Variants in SLC30A10 observed in about 807,000 individuals in gnomAD.
SLC30A10 encodes calcium/manganese antiporter SLC30A10.
SLC30A10 carries 8 observed loss-of-function variants against 21.7 expected under a neutral mutation model. That is an observed-to-expected ratio of 0.37 (90% CI 0.22 to 0.67). SLC30A10 has a LOEUF of 0.67. Among genes scored for constraint, SLC30A10 ranks in the 30% least tolerant of loss-of-function variants. The pLI is 0.58. For missense variants in SLC30A10, 521 were observed against 642.5 expected (o/e 0.81, Z 2.04); for synonymous variants, 272 against 279.4 (o/e 0.97, Z 0.26).
intron 1 of SLC30A10, among the ~76,000 whole-genome samples, chr1:219,934,473 AAAG>A (rs918546010): frequency 2.6e-5 from 4 of 152,178 alleles, no homozygotes; most frequent in African/African-American, 4.8e-5. Context: ...CAAAAAAAAA[AAAG>A]AAGAAAAGCA....
At chr1:219,927,224 T>C (rs573431764) in intron 1 of SLC30A10, 119 bp from the exon 2 acceptor site, 30 of 969,112 alleles carry the variant, frequency 3.1e-5, no homozygotes, top group Admixed American at 3.1e-4. Context: ...AGGGAGACCC[T>C]TCTGCACACC....
intron 1 of SLC30A10, among the ~76,000 whole-genome samples, chr1:219,937,618 C>A (rs181270181): frequency 2.9e-3 from 440 of 152,310 alleles, no homozygotes; most frequent in African/African-American, 0.01. Context: ...AGTTCAAGAC[C>A]AGCCTGCCAA....
At chr1:219,922,176 G>GTTTTTT (rs869249213) in intron 2 of SLC30A10, among the ~76,000 whole-genome samples, 23 of 36,432 alleles carry the variant, frequency 6.3e-4, no homozygotes, top group Non-Finnish European at 9.1e-4. Flanking sequence ...GTGTGTGTGT[G>GTTTTTT]TTTTTTTTTT....
chr1:219,917,067 C>A (rs115867723), intron 3 of SLC30A10, among the ~76,000 whole-genome samples: 7,164 of 150,660 alleles, frequency 0.048, 277 homozygotes, highest in East Asian at 0.19. Flanking sequence ...AACTCCAGGG[C>A]TCCAGTGATC....
intron 1 of SLC30A10, among the ~76,000 whole-genome samples, chr1:219,948,110 G>T (rs1469709785): frequency 6.6e-6 from 1 of 151,260 alleles, no homozygotes; most frequent in Non-Finnish European, 1.5e-5. Flanking sequence ...TGAAATAAAA[G>T]AGGATACAAA....
chr1:219,925,653 T>TATATATATATATATATA (rs1558253395), intron 2 of SLC30A10, among the ~76,000 whole-genome samples: 70 of 46,114 alleles, frequency 1.5e-3, no homozygotes, highest in Middle Eastern at 0.014. Context: ...ATATATATAT[T>TATATATATATATATATA]TTTTTTTTTT....
At chr1:219,935,657 G>C (rs1660036051) in intron 1 of SLC30A10, among the ~76,000 whole-genome samples, 1 of 152,192 alleles carries the variant, frequency 6.6e-6, no homozygotes, top group Admixed American at 6.5e-5. Context: ...CTTATGTAAA[G>C]GGTCTTGCAT....
intron 1 of SLC30A10, among the ~76,000 whole-genome samples, chr1:219,938,142 T>A (rs148872320): frequency 6.6e-6 from 1 of 152,260 alleles, no homozygotes; most frequent in Non-Finnish European, 1.5e-5. Flanking sequence ...CATCTTTGAG[T>A]GGGGCACTTA....
upstream of SLC30A10, among the ~76,000 whole-genome samples, chr1:219,932,899 T>C (rs1659989426): frequency 6.6e-6 from 1 of 150,688 alleles, no homozygotes; most frequent in Non-Finnish European, 1.5e-5. Context: ...CTGTCTCTAC[T>C]AAAAATACAA....
rs915564538 is a variant in SLC30A10 at position 219,918,795 on chromosome 1, C to T, written c.719-301G>A. On this transcript the variant is annotated intron_variant, in intron 2 of 3. Transcript: ENST00000366926. The surrounding 1 kb of genome is among the most constrained non-coding windows in gnomAD (Gnocchi z 4.4). ...CACATCGCTACCACTCACCACCCAT[C>T]AAAGGGCACCAAGCTGGAAAACAGG... 5 of 293,638 alleles carry T rather than the reference C, an allele frequency of 1.7e-5. No homozygotes were observed. The highest frequency in any genetic ancestry group is 6.5e-5 in the African/African-American group (3 of 46,300). 18.2% of individuals were successfully genotyped at this position (293,638 alleles called of 1,614,324 possible).
chr1:219,948,671 C>G (rs1242306280), intron 1 of SLC30A10, among the ~76,000 whole-genome samples: 4 of 152,278 alleles, frequency 2.6e-5, no homozygotes, highest in African/African-American at 7.2e-5. Flanking sequence ...AGAAGAAAAC[C>G]TATGCATTAC....
At chr1:219,939,917 A>C (rs1660098733) in intron 1 of SLC30A10, among the ~76,000 whole-genome samples, 1 of 152,204 alleles carries the variant, frequency 6.6e-6, no homozygotes. Context: ...AGTCTTTTGC[A>C]TGTGGAAGTG....
chr1:219,933,770 C>T (rs1288409154), intron 1 of SLC30A10, among the ~76,000 whole-genome samples: 1 of 152,202 alleles, frequency 6.6e-6, no homozygotes, highest in East Asian at 1.9e-4. Context: ...AGAAAATACA[C>T]ATTTAAGAAT....
Position 219,927,042 on chromosome 1 carries a change from G to C in SLC30A10, c.704C>G (p.Ala235Gly). The change falls in exon 2 of 4, where the codon GCT becomes GGT. Residue 235 changes from alanine (A) to glycine (G), a missense_variant. Ala to Gly is a moderately conservative substitution (Grantham distance 60). Transcript: ENST00000366926. ...DMMKKEKKSE[A>G]LNIRGVLLHV... The stretch of plus-strand genomic sequence containing the variant: ...GTCAATCCTACCTCTGATATTCAGA[G>C]CTTCAGACTTTTTCTCTTTTTTCAT... 2 of 1,613,214 alleles carry C rather than the reference G, an allele frequency of 1.2e-6. No individual in the cohort carries two copies. The highest frequency in any genetic ancestry group is 1.7e-6 in the Non-Finnish European group (2 of 1,179,284).
In SLC30A10 at chr1:219,913,479, C is replaced by T. The variant is rs1008457600; in HGVS notation, c.*1970G>A. The T allele has an allele frequency of 6.6e-6, 1 of 152,136 alleles. No homozygotes were observed. The highest frequency in any genetic ancestry group is 6.5e-5 in the Admixed American group (1 of 15,280). 9.4% of individuals were successfully genotyped at this position (152,136 alleles called of 1,614,324 possible). A position where few individuals can be genotyped will look rare whatever the true frequency, so the allele number is the denominator to read the frequency against. On this transcript the variant is annotated 3_prime_UTR_variant, in exon 4 of 4. Transcript: ENST00000366926. Reference sequence around the variant, plus strand: ...CAGAATGATGTGAAATCAAATTAGACCTTCAAATTTGGAAGTCAGAGAAAA... The same window carrying T: ...CAGAATGATGTGAAATCAAATTAGATCTTCAAATTTGGAAGTCAGAGAAAA...
rs1403666946 is a variant in SLC30A10, at chr1:219,913,332, C to T, written c.*2117G>A. ...GTTTAATTACAGTGGAATTAAGTGC[C>T]TTTTCTTACCCAGAAAAATATTTTA... On this transcript the variant is annotated 3_prime_UTR_variant, in exon 4 of 4. Transcript: ENST00000366926. 1.3e-5 allele frequency among the ~76,000 whole-genome samples: 2 copies of T among 152,196 alleles called. No individual in the cohort carries two copies. The highest frequency in any genetic ancestry group is 4.8e-5 in the African/African-American group (2 of 41,458).
intron 1 of SLC30A10, among the ~76,000 whole-genome samples, chr1:219,940,185 C>T (rs560896483): frequency 6.6e-6 from 1 of 152,232 alleles, no homozygotes; most frequent in Admixed American, 6.5e-5. Context: ...ATGCTTGAAA[C>T]GCTGAGCCAC....
chr1:219,928,576 CA>C, upstream of SLC30A10: 1 of 765,554 alleles, frequency 1.3e-6, no homozygotes. The surrounding 1 kb of genome is among the most constrained non-coding windows in gnomAD (Gnocchi z 6.3). Flanking sequence ...GGCCCTGCCC[CA>C]CCGCTTTTTA....
In SLC30A10 at chr1:219,918,217, A is replaced by G. The variant is rs1659592393; in HGVS notation, c.958+38T>C. 1 of 1,603,894 alleles carries G rather than the reference A, an allele frequency of 6.2e-7. No homozygotes were observed. Among genetic ancestry groups the G allele is most frequent in the African/African-American group, 1.3e-5 (1 of 74,756 alleles). On this transcript the variant is annotated intron_variant, in intron 3 of 3. Transcript: ENST00000366926. This position sits in a 1 kb window ranked among gnomAD's most constrained non-coding sequence, Gnocchi z 4.4. ...TGTCCTTTGGCCTGAATAACATTAA[A>G]TTGAGAGTGGTTCTGGATCAAAATT...
Sources: gnomAD v4.1 joint callset for allele counts (sites outside exome capture counted in the v4.1 genomes callset) on GRCh38, gnomAD v4.1.1 for gene constraint, Gnocchi (gnomAD v3.1) non-coding constraint, MANE v1.5 for transcripts, NCBI Gene and HGNC (gene_info 2026-07-23, HGNC 2026-07-21) for gene names.